Variants in ADK observed in about 807,000 individuals in gnomAD.
The protein encoded by ADK is adenosine kinase, also known as N6,N6-dimethyladenosine kinase.
In ADK, 24 loss-of-function variants were observed where a neutral mutation model predicts 44.7. The observed-to-expected ratio is 0.54, with a 90% CI of 0.39 to 0.76. The LOEUF is 0.76. Ranked by LOEUF, ADK falls within the 30% of genes least tolerant of loss-of-function variation. ADK has a pLI of 0.00. For synonymous variants in ADK, 128 were observed against 142.6 expected, an observed-to-expected ratio of 0.90 and a Z score of 0.73; for missense variants, 321 against 425.1, an observed-to-expected ratio of 0.76 and a Z score of 2.15.
rs544511877 is a variant in ADK at position 74,288,203 on chromosome 10, A to T, written c.195-26464A>T. Among the ~76,000 whole-genome samples the T allele has an allele frequency of 2.6e-5, 4 of 152,264 alleles. No homozygotes were observed. In the South Asian group the frequency reaches 8.3e-4, roughly 32 times the overall value. The stretch of plus-strand genomic sequence containing the variant: ...GGCTTACATTATTTGGGGAGGGAAC[A>T]TATAAAATTCAATATTCAAATTGTT... On this transcript the variant is annotated intron_variant, in intron 3 of 10. Coordinates refer to ENST00000539909, the MANE Select transcript of ADK (RefSeq NM_006721.4).
intron 6 of ADK, among the ~76,000 whole-genome samples, chr10:74,462,210 T>C: frequency 6.6e-6 from 1 of 152,206 alleles, no homozygotes; most frequent in South Asian, 2.1e-4. Flanking sequence ...TATAATATCA[T>C]TAATAGATTT....
intron 4 of ADK, among the ~76,000 whole-genome samples, chr10:74,339,878 C>T (rs1841528049): frequency 6.6e-6 from 1 of 152,220 alleles, no homozygotes; most frequent in South Asian, 2.1e-4. Flanking sequence ...ATTTTGCAGA[C>T]TACTTCTTTT....
At chr10:74,581,693 A>T (rs1851379157) in intron 7 of ADK, among the ~76,000 whole-genome samples, 1 of 152,188 alleles carries the variant, frequency 6.6e-6, no homozygotes, top group South Asian at 2.1e-4. Context: ...AACAACAACA[A>T]CAACAAAAAT....
intron 4 of ADK, among the ~76,000 whole-genome samples, chr10:74,373,940 T>C (rs1842746038): frequency 6.6e-6 from 1 of 152,156 alleles, no homozygotes; most frequent in Non-Finnish European, 1.5e-5. Context: ...CAATAGAATA[T>C]TATTTGACAA....
chr10:74,250,312 A>T (rs2132333624), intron 3 of ADK, among the ~76,000 whole-genome samples: 1 of 152,332 alleles, frequency 6.6e-6, no homozygotes, highest in Middle Eastern at 3.4e-3. Flanking sequence ...ATAGTCGGGT[A>T]TAGGGAGATC....
In ADK at chr10:74,274,770, T is replaced by A. The variant is rs1443422864; in HGVS notation, c.195-39897T>A. On this transcript the variant is annotated intron_variant, in intron 3 of 10. Transcript: ENST00000539909. ...TATACACACACACATTATATATATATAATTTTTTGTAGAGACAGGGTCTTA... is the reference window on the plus strand; with the variant it reads ...TATACACACACACATTATATATATAAAATTTTTTGTAGAGACAGGGTCTTA... Among the ~76,000 whole-genome samples the A allele has an allele frequency of 5.1e-5, 3 of 58,698 alleles. No homozygotes were observed. In the East Asian group the frequency reaches 9.8e-4, roughly 19 times the overall value. The allele number at this position is 58,698 out of a possible 152,430, so 38.5% of individuals were successfully genotyped here.
intron 4 of ADK, among the ~76,000 whole-genome samples, chr10:74,373,931 A>C (rs1325139924): frequency 1.3e-5 from 2 of 152,310 alleles, no homozygotes; most frequent in Admixed American, 6.5e-5. Context: ...ATATCCATGC[A>C]ATAGAATATT....
intron 3 of ADK, among the ~76,000 whole-genome samples, chr10:74,231,262 C>T (rs1844752637): frequency 6.6e-6 from 1 of 152,174 alleles, no homozygotes; most frequent in African/African-American, 2.4e-5. Context: ...CAAATGTATA[C>T]ATTTTACAAC....
At chr10:74,204,095 T>C (rs750043473) in intron 2 of ADK, among the ~76,000 whole-genome samples, 1 of 151,940 alleles carries the variant, frequency 6.6e-6, no homozygotes, top group Non-Finnish European at 1.5e-5. Context: ...TAGCTGGGAT[T>C]ACAGGTGTGT....
chr10:74,153,980 C>T (rs1841684162), intron 1 of ADK, among the ~76,000 whole-genome samples: 1 of 152,116 alleles, frequency 6.6e-6, no homozygotes, highest in African/African-American at 2.4e-5. Context: ...GCACAGGTAC[C>T]ATCCTCTTGG....
chr10:74,304,091 C>T (rs1840170186), intron 3 of ADK, among the ~76,000 whole-genome samples: 1 of 151,948 alleles, frequency 6.6e-6, no homozygotes, highest in Admixed American at 6.6e-5. Context: ...TTTTGTATAG[C>T]TGTAACATTT....
chr10:74,397,709 T>A (rs1489377184), intron 5 of ADK, among the ~76,000 whole-genome samples: 1 of 152,102 alleles, frequency 6.6e-6, no homozygotes, highest in Non-Finnish European at 1.5e-5. Flanking sequence ...AGCTAATTTT[T>A]AAAATTATTT....
rs1204694960 is a variant in ADK, at chr10:74,423,894, C to T, written c.555+25315C>T. 3 of 226,906 alleles carry T rather than the reference C, an allele frequency of 1.3e-5. No individual in the cohort carries two copies. The East Asian group carries it at 3.4e-4, about 25-fold the overall frequency. The allele number at this position is 226,906 out of a possible 1,614,324, so 14.1% of individuals were successfully genotyped here. A position where few individuals can be genotyped will look rare whatever the true frequency, so the allele number is the denominator to read the frequency against. On this transcript the variant is annotated intron_variant, in intron 6 of 10. Transcript: ENST00000539909. The stretch of plus-strand genomic sequence containing the variant: ...GGAAGGCTGCTCTGATTATGCTCTC[C>T]TGGTACTCTTGAAATTGTCCCTTGA...
At chr10:74,177,945 A>ATATATATTTTT (rs10693309) in intron 1 of ADK, among the ~76,000 whole-genome samples, 9 of 109,008 alleles carry the variant, frequency 8.3e-5, no homozygotes, top group Non-Finnish European at 1.5e-4. Context: ...ATATATATAT[A>ATATATATTTTT]TTTTTTTTTT....
intron 4 of ADK, among the ~76,000 whole-genome samples, chr10:74,327,375 G>T (rs770257859): frequency 6.6e-6 from 1 of 151,986 alleles, no homozygotes; most frequent in Non-Finnish European, 1.5e-5. Context: ...CTATGATTTT[G>T]AACTGAAACT....
intron 6 of ADK, among the ~76,000 whole-genome samples, chr10:74,471,428 C>T (rs115461920): frequency 1.3e-5 from 2 of 152,114 alleles, no homozygotes; most frequent in Admixed American, 1.3e-4. Context: ...GTTTTGAAAT[C>T]AGGAACTCTG....
At chr10:74,206,561 C>G (rs527921982) in intron 2 of ADK, among the ~76,000 whole-genome samples, 159 of 152,314 alleles carry the variant, frequency 1.0e-3, no homozygotes, top group African/African-American at 3.6e-3. Flanking sequence ...CTCTTCCCCC[C>G]AGCCTGTCAC....
intron 6 of ADK, among the ~76,000 whole-genome samples, chr10:74,447,751 A>T (rs183191070): frequency 8.5e-4 from 130 of 152,360 alleles, no homozygotes; most frequent in Middle Eastern, 3.4e-3. Context: ...GAAGTCAATT[A>T]AAAAAGCACC....
intron 3 of ADK, among the ~76,000 whole-genome samples, chr10:74,245,071 A>G (rs569142826): frequency 3.9e-4 from 59 of 152,214 alleles, no homozygotes; most frequent in Non-Finnish European, 5.7e-4. Flanking sequence ...GTATTTGCCA[A>G]AGTCATCATT....
Sources: gnomAD v4.1 joint callset for allele counts (sites outside exome capture counted in the v4.1 genomes callset) on GRCh38, gnomAD v4.1.1 for gene constraint, MANE v1.5 for transcripts, NCBI Gene and HGNC (gene_info 2026-07-23, HGNC 2026-07-21) for gene names.